SEZ6L: variants seen among roughly 807,000 people sequenced by gnomAD.
SEZ6L encodes the protein seizure 6-like protein.
A neutral mutation model predicts 106.2 loss-of-function variants in SEZ6L; 37 were observed. That is an observed-to-expected ratio of 0.35 (90% CI 0.27 to 0.46). SEZ6L has a LOEUF of 0.46. SEZ6L is among the 20% of genes least tolerant of loss of function. The probability of loss-of-function intolerance (pLI) is 1.00; values close to 1 mark genes in which losing one functional copy is unlikely to be tolerated. For synonymous variants in SEZ6L, 541 were observed against 570.4 expected, an observed-to-expected ratio of 0.95 and a Z score of 0.73; for missense variants, 1,172 against 1,332.8, an observed-to-expected ratio of 0.88 and a Z score of 1.88.
chr22:26,347,645 T>C lies in SEZ6L; in HGVS notation c.2213-74T>C, dbSNP rs2083053554. The C allele has an allele frequency of 5.3e-6, 7 of 1,311,650 alleles. No homozygotes were observed. In the South Asian group the frequency reaches 9.7e-5, roughly 18 times the overall value. The allele number at this position is 1,311,650 out of a possible 1,614,324, so 81.3% of individuals were successfully genotyped here. A position where few individuals can be genotyped will look rare whatever the true frequency, so the allele number is the denominator to read the frequency against. On this transcript the variant is annotated intron_variant, in intron 10 of 16. Coordinates refer to ENST00000248933, the MANE Select transcript of SEZ6L (RefSeq NM_021115.5). ...GCTTTTTTTTCTCTTCGCTCATCCCTCTAGCCGTCATAAAAGGAGGCCCCG... is the reference window on the plus strand; with the variant it reads ...GCTTTTTTTTCTCTTCGCTCATCCCCCTAGCCGTCATAAAAGGAGGCCCCG...
chr22:26,266,909 G>C (rs2080209726), intron 1 of SEZ6L, among the ~76,000 whole-genome samples: 1 of 152,082 alleles, frequency 6.6e-6, no homozygotes, highest in South Asian at 2.1e-4. Flanking sequence ...GGAATATGGG[G>C]GAAGAAGCAC....
At chr22:26,343,521 A>C (rs2082912079) in intron 10 of SEZ6L, among the ~76,000 whole-genome samples, 1 of 152,200 alleles carries the variant, frequency 6.6e-6, no homozygotes, top group Non-Finnish European at 1.5e-5. Flanking sequence ...CACATCTTCA[A>C]ATGCATTATC....
intron 1 of SEZ6L, among the ~76,000 whole-genome samples, chr22:26,236,174 G>A (rs1000214417): frequency 3.9e-5 from 6 of 152,212 alleles, no homozygotes; most frequent in African/African-American, 1.2e-4. Context: ...ATCTACCCAT[G>A]CCATTAAACC....
intron 1 of SEZ6L, among the ~76,000 whole-genome samples, chr22:26,172,948 C>G (rs1938725670): frequency 6.6e-6 from 1 of 152,178 alleles, no homozygotes. Flanking sequence ...GGGAGTTTGA[C>G]TGAACTGGGC....
intron 1 of SEZ6L, among the ~76,000 whole-genome samples, chr22:26,223,103 G>T (rs563314078): frequency 6.6e-6 from 1 of 152,060 alleles, no homozygotes; most frequent in African/African-American, 2.4e-5. Context: ...CACCTCCACC[G>T]TAGGAGTTGT....
rs1467262639 is a variant in SEZ6L at position 26,383,380 on chromosome 22, T to C, written c.*3085T>C. 6.6e-6 allele frequency: 1 copy of C among 152,094 alleles called. No individual in the cohort carries two copies. Among genetic ancestry groups the C allele is most frequent in the Non-Finnish European group, 1.5e-5 (1 of 68,032 alleles). 9.4% of individuals were successfully genotyped at this position (152,094 alleles called of 1,614,324 possible). A position where few individuals can be genotyped will look rare whatever the true frequency, so the allele number is the denominator to read the frequency against. On this transcript the variant is annotated 3_prime_UTR_variant, in exon 17 of 17. Transcript: ENST00000248933. ...TCGAGTGAATCCGAAGGGCATGATC[T>C]TCCTATGTCCTTGACTAGGCATGAC...
chr22:26,339,505 T>C (rs1457573912), intron 9 of SEZ6L, among the ~76,000 whole-genome samples: 1 of 152,208 alleles, frequency 6.6e-6, no homozygotes, highest in Admixed American at 6.5e-5. Context: ...CACTGTGGTT[T>C]AATTATTTAG....
chr22:26,360,653 C>T (rs1262994768), intron 12 of SEZ6L, among the ~76,000 whole-genome samples: 1 of 152,144 alleles, frequency 6.6e-6, no homozygotes, highest in African/African-American at 2.4e-5. Flanking sequence ...GAGCCACCAA[C>T]GTCATCAAGA....
Position 26,215,111 on chromosome 22 carries a change from G to C in SEZ6L, c.94+45348G>C, listed in dbSNP as rs375164085. 7.2e-5 allele frequency among the ~76,000 whole-genome samples: 11 copies of C among 152,356 alleles called. No individual in the cohort carries two copies. In the South Asian group the frequency reaches 2.3e-3, roughly 32 times the overall value. On this transcript the variant is annotated intron_variant, in intron 1 of 16. Transcript: ENST00000248933. Reference sequence around the variant, plus strand: ...TCATCACATGGGTGGTGCTTGGTTAGAAGCGAAGACCGAATTACATGTATC... The same window carrying C: ...TCATCACATGGGTGGTGCTTGGTTACAAGCGAAGACCGAATTACATGTATC...
At chr22:26,266,450 G>C (rs1308399429) in intron 1 of SEZ6L, among the ~76,000 whole-genome samples, 1 of 151,274 alleles carries the variant, frequency 6.6e-6, no homozygotes, top group African/African-American at 2.4e-5. Context: ...GTGGGCGCCT[G>C]TAGTCCCAGC....
chr22:26,295,433 T>TTTTTTG (rs924198076), intron 3 of SEZ6L, among the ~76,000 whole-genome samples: 1 of 152,070 alleles, frequency 6.6e-6, no homozygotes, highest in African/African-American at 2.4e-5. Flanking sequence ...CTTAGGAAGG[T>TTTTTTG]TTTTTGTTTT....
intron 1 of SEZ6L, among the ~76,000 whole-genome samples, chr22:26,207,224 C>T (rs1399836720): frequency 6.6e-6 from 1 of 152,164 alleles, no homozygotes; most frequent in Non-Finnish European, 1.5e-5. Flanking sequence ...GAAGGCACCA[C>T]AGTATTCCAT....
chr22:26,295,856 T>C (rs1329318519), intron 3 of SEZ6L, among the ~76,000 whole-genome samples: 1 of 152,154 alleles, frequency 6.6e-6, no homozygotes, highest in Non-Finnish European at 1.5e-5. Context: ...TTAGAGGTTG[T>C]TGTAGAATCG....
At chr22:26,278,950 A>G (rs1003956494) in intron 1 of SEZ6L, among the ~76,000 whole-genome samples, 7 of 121,570 alleles carry the variant, frequency 5.8e-5, no homozygotes, top group African/African-American at 2.1e-4. Flanking sequence ...AGAAAGAAAA[A>G]GAAAGAAAGA....
chr22:26,169,948 C>T (rs1938464265), intron 1 of SEZ6L, among the ~76,000 whole-genome samples, 185 bp downstream of exon 1: 1 of 152,060 alleles, frequency 6.6e-6, no homozygotes, highest in Admixed American at 6.5e-5. Flanking sequence ...AGTGTGGAGG[C>T]GGGGATGTGT....
At chr22:26,256,225 G>A (rs912965114) in intron 1 of SEZ6L, among the ~76,000 whole-genome samples, 1 of 152,170 alleles carries the variant, frequency 6.6e-6, no homozygotes, top group Non-Finnish European at 1.5e-5. Flanking sequence ...GGGGTATTCG[G>A]GGATGCCAGG....
chr22:26,312,093 G>A (rs2081856720), intron 8 of SEZ6L, 131 bp downstream of exon 8: 8 of 887,864 alleles, frequency 9.0e-6, no homozygotes, highest in Admixed American at 2.7e-5. Flanking sequence ...ACCCTTTCCA[G>A]GGTTCACTGT....
At chr22:26,253,701 G>T (rs941469838) in intron 1 of SEZ6L, among the ~76,000 whole-genome samples, 1 of 152,120 alleles carries the variant, frequency 6.6e-6, no homozygotes, top group Non-Finnish European at 1.5e-5. Context: ...CTCAATGAGG[G>T]CAATGTTGCC....
Position 26,357,045 on chromosome 22 carries a change from G to A in SEZ6L, c.2599+5802G>A, listed in dbSNP as rs549088445. Among the ~76,000 whole-genome samples the A allele has an allele frequency of 6.3e-4, 96 of 151,338 alleles. 1 individual carries two copies. The highest frequency in any genetic ancestry group is 2.3e-3 in the African/African-American group (93 of 41,150). On this transcript the variant is annotated intron_variant, in intron 12 of 16. Transcript: ENST00000248933. ...TAGCCCACTGCAAGCTCCACCTCCCGGGTTCACGCCATTCTCCTGCCTCAG... is the reference window on the plus strand; with the variant it reads ...TAGCCCACTGCAAGCTCCACCTCCCAGGTTCACGCCATTCTCCTGCCTCAG...
Sources: gnomAD v4.1 joint callset for allele counts (sites outside exome capture counted in the v4.1 genomes callset) on GRCh38, gnomAD v4.1.1 for gene constraint, MANE v1.5 for transcripts, NCBI Gene and HGNC (gene_info 2026-07-23, HGNC 2026-07-21) for gene names.